The following C1orf94 variants were observed in gnomAD, a reference collection of about 807,000 sequenced individuals.
C1orf94 encodes the protein uncharacterized protein C1orf94.
Under a neutral mutation model 53.6 loss-of-function variants are expected in C1orf94, and 45 were observed. The ratio of observed to expected loss-of-function variants is 0.84; its 90% CI spans 0.66 to 1.08. The LOEUF is 1.08. Among genes scored for constraint, C1orf94 ranks in the 50% least tolerant of loss-of-function variants. The probability of loss-of-function intolerance (pLI) is 0.00; values close to 1 mark genes in which losing one functional copy is unlikely to be tolerated. For missense variants in C1orf94, 762 were observed against 738.9 expected (o/e 1.03, Z -0.36); for synonymous variants, 304 against 296.1 (o/e 1.03, Z -0.27).
At chr1:34,214,334 A>G (rs546684232) in intron 6 of C1orf94, among the ~76,000 whole-genome samples, 1 of 152,270 alleles carries the variant, frequency 6.6e-6, no homozygotes, top group African/African-American at 2.4e-5. Context: ...TGGAAAAGGG[A>G]GGTTGAGACT....
intron 1 of C1orf94, among the ~76,000 whole-genome samples, chr1:34,185,509 G>A (rs1642372256): frequency 1.3e-5 from 2 of 152,142 alleles, no homozygotes; most frequent in African/African-American, 4.8e-5. Context: ...CCAATGCTGG[G>A]TCTCAGCACC....
At chr1:34,216,952 C>T (rs139229768) in intron 6 of C1orf94, among the ~76,000 whole-genome samples, 218 of 152,244 alleles carry the variant, frequency 1.4e-3, no homozygotes, top group Non-Finnish European at 2.7e-3. Context: ...TGATGGTGCA[C>T]ACATGTAGTC....
rs183558526 is a variant in C1orf94, at chr1:34,216,994, C to T, written c.1722-1692C>T. On this transcript the variant is annotated intron_variant, in intron 6 of 6. Coordinates refer to ENST00000488417, the MANE Select transcript of C1orf94 (RefSeq NM_001134734.2). Reference sequence around the variant, plus strand: ...ACTGGGGAGAATGAGGCACAGGAATCGCTTGGACCTGGGAAGCAGAGATTG... The same window carrying T: ...ACTGGGGAGAATGAGGCACAGGAATTGCTTGGACCTGGGAAGCAGAGATTG... 1.4e-4 allele frequency among the ~76,000 whole-genome samples: 22 copies of T among 152,254 alleles called. No homozygotes were observed. The East Asian group carries it at 2.9e-3, about 20-fold the overall frequency.
At chr1:34,208,796 A>G (rs1642843226) in intron 5 of C1orf94, among the ~76,000 whole-genome samples, 1 of 152,126 alleles carries the variant, frequency 6.6e-6, no homozygotes, top group Non-Finnish European at 1.5e-5. Flanking sequence ...CAAGAGCCCA[A>G]CAGGGCAAGC....
chr1:34,176,047 A>T (rs1477876092), upstream of C1orf94, among the ~76,000 whole-genome samples: 1 of 152,080 alleles, frequency 6.6e-6, no homozygotes, highest in Non-Finnish European at 1.5e-5. Flanking sequence ...TACAGGCTCC[A>T]GGAGAGCAGG....
chr1:34,176,280 G>A (rs1367912532), upstream of C1orf94, among the ~76,000 whole-genome samples: 2 of 152,064 alleles, frequency 1.3e-5, no homozygotes, highest in African/African-American at 2.4e-5. Flanking sequence ...TCTTTCTTCC[G>A]TCTCCACCCT....
chr1:34,168,270 T>G (rs1406171615), intron 1 of C1orf94, among the ~76,000 whole-genome samples: 3 of 152,128 alleles, frequency 2.0e-5, no homozygotes, highest in Non-Finnish European at 4.4e-5. Context: ...AGAGCCAGAC[T>G]ATCTGTCTAT....
At chr1:34,173,285 A>G (rs372384933), upstream of C1orf94, among the ~76,000 whole-genome samples, 3 of 152,208 alleles carry the variant, frequency 2.0e-5, no homozygotes, top group East Asian at 5.8e-4. Flanking sequence ...AAATCCTTTC[A>G]ATTTTCCTCT....
At chr1:34,190,072 C>T (rs541557174) in intron 1 of C1orf94, among the ~76,000 whole-genome samples, 5 of 152,328 alleles carry the variant, frequency 3.3e-5, no homozygotes, top group East Asian at 1.9e-4. Flanking sequence ...AATTTGAGTA[C>T]ATCTTTTAAC....
In C1orf94 at chr1:34,177,070, C is replaced by T. The variant is rs1041259289; in HGVS notation, c.-720C>T. The stretch of plus-strand genomic sequence containing the variant: ...GCCGCTGGGCCCTTCCCGGTGCCCG[C>T]CTGGCAGCGCGGCGCGGCTGGGGCA... On this transcript the variant is annotated 5_prime_UTR_variant, in exon 1 of 7. Transcript: ENST00000488417. 6.6e-6 allele frequency among the ~76,000 whole-genome samples: 1 copy of T among 152,244 alleles called. No homozygotes were observed. The highest frequency in any genetic ancestry group is 2.1e-4 in the South Asian group (1 of 4,834).
chr1:34,212,187 CCT>C (rs1557490518), intron 5 of C1orf94, 21 bp from the exon 6 acceptor site: 1 of 1,587,760 alleles, frequency 6.3e-7, no homozygotes, highest in East Asian at 2.3e-5. Flanking sequence ...TGACCTCACC[CCT>C]CTCTTCTCTG....
rs141105692 is a variant in C1orf94 at position 34,212,217 on chromosome 1, C to T, written c.1532C>T (p.Pro511Leu). 6.2e-7 allele frequency: 1 copy of T among 1,609,158 alleles called. No homozygotes were observed. The highest frequency in any genetic ancestry group is 1.3e-5 in the African/African-American group (1 of 74,634). Residue 511 changes from proline (P) to leucine (L), a missense_variant, in exon 6 of 7, where the codon CCA (proline) becomes CTA (leucine). By Grantham distance (98) the Pro-to-Leu change is moderately conservative (BLOSUM62 -3). Coordinates refer to ENST00000488417, the MANE Select transcript of C1orf94 (RefSeq NM_001134734.2). ...CTTCTCTGTGATGTGCAGGTGATGC[C>T]ATACAACCCACAGCAGATGGGACAG... The part of the protein sequence containing the change: ...QLGCYSQQVM[P>L]YNPQQMGQQI...
At chr1:34,187,764 CA>C (rs1185744746) in intron 1 of C1orf94, among the ~76,000 whole-genome samples, 350 of 20,040 alleles carry the variant, frequency 0.017, 1 homozygote, top group East Asian at 0.022. Context: ...TCACTGAATC[CA>C]CCCACCCCCC....
intron 6 of C1orf94, 39 bp from the exon 7 acceptor site, chr1:34,218,647 A>T (rs1409108324): frequency 2.6e-6 from 4 of 1,513,516 alleles, no homozygotes; most frequent in Non-Finnish European, 2.7e-6. Context: ...CGATAACATT[A>T]GGAATCTCAT....
intron 1 of C1orf94, among the ~76,000 whole-genome samples, chr1:34,171,457 AGATGGATG>A (rs74536993): frequency 6.6e-6 from 1 of 151,064 alleles, no homozygotes. Flanking sequence ...ATGGATAAAC[AGATGGATG>A]GATGGATGGA....
intron 5 of C1orf94, 59 bp downstream of exon 5, chr1:34,208,293 G>A: frequency 1.3e-6 from 2 of 1,522,414 alleles, no homozygotes; most frequent in East Asian, 2.4e-5. Flanking sequence ...GGGTCAGAGG[G>A]TGCATCTGCT....
intron 1 of C1orf94, among the ~76,000 whole-genome samples, chr1:34,189,253 G>T (rs572397039): frequency 7.0e-4 from 107 of 152,096 alleles, no homozygotes; most frequent in Admixed American, 2.4e-3. Context: ...GGGCATGGCT[G>T]TGGTACGTGT....
Position 34,202,092 on chromosome 1 carries a change from C to T in C1orf94, c.1279C>T (p.Pro427Ser). The T allele has an allele frequency of 6.2e-7, 1 of 1,613,370 alleles. No individual in the cohort carries two copies. The highest frequency in any genetic ancestry group is 8.5e-7 in the Non-Finnish European group (1 of 1,179,640). Residue 427 changes from proline (P) to serine (S), a missense_variant, in exon 4 of 7, where the codon CCT (proline) becomes TCT (serine). By Grantham distance (74) the Pro-to-Ser change is moderately conservative. Coordinates refer to ENST00000488417, the MANE Select transcript of C1orf94 (RefSeq NM_001134734.2). Reference protein sequence around the residue: ...VDGPELKFNAPVTVADKNNPK... With the variant: ...VDGPELKFNASVTVADKNNPK... ...TCTCCTGTGACTTGCAGTTAACGCA[C>T]CTGTGACGGTTGCTGACAAGAACAA...
intron 1 of C1orf94, among the ~76,000 whole-genome samples, chr1:34,194,197 T>C (rs1642543074): frequency 6.6e-6 from 1 of 152,222 alleles, no homozygotes; most frequent in African/African-American, 2.4e-5. Context: ...AATTACATTA[T>C]AATAATTATG....
Sources: allele counts gnomAD v4.1 joint callset (sites outside exome capture counted in the v4.1 genomes callset), GRCh38; gene constraint gnomAD v4.1.1; transcripts MANE v1.5; gene names NCBI Gene and HGNC (gene_info 2026-07-23, HGNC 2026-07-21).